The following LOC122513141 variants were observed in gnomAD, a reference collection of about 807,000 sequenced individuals.
At chr9:137,217,604 C>T in the LOC122513141 span, 3 of 185,006 alleles carry the variant, frequency 1.6e-5, no homozygotes, top group East Asian at 2.6e-4. Flanking sequence ...GACAGCACCG[C>T]GTGGGCCCAG....
chr9:137,217,735 GGCCGCCCCTGTC>G, the LOC122513141 span: 7 of 373,760 alleles, frequency 1.9e-5, no homozygotes, highest in East Asian at 2.7e-4. Flanking sequence ...CTTCCCTGAG[GGCCGCCCCTGTC>G]GCCGCCCTGG....
chr9:137,217,948 C>A, the LOC122513141 span: 1 of 398,654 alleles, frequency 2.5e-6, no homozygotes. Context: ...TTGGGCACCC[C>A]CAAGGTGCTG....
At chr9:137,218,281 GGCCGACGGGCCCTCACGCCAGCCCC>G in the LOC122513141 span, 2 of 398,224 alleles carry the variant, frequency 5.0e-6, no homozygotes, top group Non-Finnish European at 8.9e-6. Context: ...AGCTGCTACA[GGCCGACGGGCCCTCACGCCAGCCCC>G]GCCGAGAGGC....
At chr9:137,218,642 G>A in the LOC122513141 span, 2 of 398,434 alleles carry the variant, frequency 5.0e-6, no homozygotes, top group East Asian at 3.6e-5. Context: ...AGGCCAGGGG[G>A]CCCAGACTGG....
the LOC122513141 span, chr9:137,218,548 G>A: frequency 1.6e-3 from 635 of 400,204 alleles, no homozygotes; most frequent in Non-Finnish European, 2.3e-3. Flanking sequence ...TGGTCTTCAC[G>A]CCGCTCCTGC....
chr9:137,219,184 G>A, the LOC122513141 span: 1 of 152,394 alleles, frequency 6.6e-6, no homozygotes, highest in African/African-American at 2.4e-5. Context: ...ACCAGGTGGG[G>A]GTTGGCGCTG....
At chr9:137,218,125 G>C in the LOC122513141 span, 2 of 398,630 alleles carry the variant, frequency 5.0e-6, no homozygotes, top group African/African-American at 4.1e-5. Context: ...GCCTGGCCCT[G>C]CTGAACTGTA....
At chr9:137,218,523 T>C in the LOC122513141 span, 1 of 400,974 alleles carries the variant, frequency 2.5e-6, no homozygotes, top group South Asian at 1.3e-4. Flanking sequence ...GCCCTTGAGC[T>C]TCTGGGGCTG....
the LOC122513141 span, chr9:137,218,021 A>G: frequency 1.5e-5 from 6 of 398,994 alleles, no homozygotes; most frequent in East Asian, 3.6e-5. Flanking sequence ...GGCCCTTCCA[A>G]CCTGGAAGGA....
the LOC122513141 span, chr9:137,217,651 A>T: frequency 4.3e-6 from 1 of 230,030 alleles, no homozygotes; most frequent in Non-Finnish European, 8.4e-6. Context: ...CTGGGGCCCC[A>T]GTCAAGTCCA....
At chr9:137,217,878 C>T in the LOC122513141 span, 3 of 398,294 alleles carry the variant, frequency 7.5e-6, no homozygotes, top group African/African-American at 2.1e-5. Flanking sequence ...CCTGGGTCCT[C>T]TCTGGGCCCT....
At chr9:137,218,465 C>A in the LOC122513141 span, 1 of 398,576 alleles carries the variant, frequency 2.5e-6, no homozygotes, top group Non-Finnish European at 4.4e-6. Context: ...CTGGACCCTG[C>A]GGGAGCGGGG....
the LOC122513141 span, chr9:137,218,530 GCTGCTGCTGGTCTTCACGCCGCTC>G: frequency 5.0e-6 from 2 of 401,226 alleles, no homozygotes; most frequent in African/African-American, 2.1e-5. Flanking sequence ...AGCTTCTGGG[GCTGCTGCTGGTCTTCACGCCGCTC>G]CTGCTGCTGG....
the LOC122513141 span, chr9:137,219,239 A>C: frequency 6.6e-6 from 1 of 152,206 alleles, no homozygotes; most frequent in Non-Finnish European, 1.5e-5. Context: ...CTTGGAACAT[A>C]AGCTCTGCCC....
chr9:137,218,480 T>C, the LOC122513141 span: 3 of 396,456 alleles, frequency 7.6e-6, no homozygotes, highest in African/African-American at 2.1e-5. Context: ...GCGGGGACCC[T>C]GTGCCCGCCG....
chr9:137,218,614 G>A, the LOC122513141 span: 1 of 398,622 alleles, frequency 2.5e-6, no homozygotes, highest in Non-Finnish European at 4.4e-6. Context: ...CAGAGCCCAG[G>A]ACAGCCCCGC....
At chr9:137,217,729 C>T in the LOC122513141 span, 1 of 367,782 alleles carries the variant, frequency 2.7e-6, no homozygotes, top group African/African-American at 2.1e-5. Flanking sequence ...CCCTGCCTTC[C>T]CTGAGGGCCG....
At chr9:137,219,170 C>A in the LOC122513141 span, 1 of 152,402 alleles carries the variant, frequency 6.6e-6, no homozygotes, top group Non-Finnish European at 1.5e-5. Flanking sequence ...TTGATCAGGC[C>A]CAGACCAGGT....
chr9:137,218,380 C>T, the LOC122513141 span: 2 of 398,534 alleles, frequency 5.0e-6, no homozygotes, highest in Admixed American at 4.4e-5. Flanking sequence ...ACCAGCTGCG[C>T]TTCCTGGCAG....
Sources: gnomAD v4.1 joint callset for allele counts on GRCh38, gnomAD v4.1.1 for gene constraint, MANE v1.5 for transcripts.